Variants in CHN2 observed in about 807,000 individuals in gnomAD.
The protein encoded by CHN2 is beta-chimaerin.
In CHN2, 35 loss-of-function variants were observed where a neutral mutation model predicts 56.3. The ratio of observed to expected loss-of-function variants is 0.62; its 90% confidence interval spans 0.47 to 0.82. The LOEUF is 0.82. CHN2 is among the 40% of genes least tolerant of loss of function. CHN2 has a pLI of 0.00. For synonymous variants in CHN2, 210 were observed against 212.8 expected (o/e 0.99, Z 0.12); for missense variants, 491 against 580.5 (o/e 0.85, Z 1.58).
At chr7:29,276,858 C>T (rs1791265289) in intron 1 of CHN2, among the ~76,000 whole-genome samples, 1 of 152,158 alleles carries the variant, frequency 6.6e-6, no homozygotes, top group African/African-American at 2.4e-5. Context: ...CTCTTCCTTA[C>T]AGATGCATTG....
rs1439875104 is a variant in CHN2 at position 29,437,476 on chromosome 7, T to C, written c.576+36648T>C. On this transcript the variant is annotated intron_variant, in intron 6 of 12. Transcript: ENST00000222792. ...AGCCGGGCGTGGTGGCGGGCGCCTG[T>C]AGTCCCAGCTACTCGGGAGGCTGAG... is the stretch of plus-strand genomic sequence containing the variant. 2.3e-5 allele frequency among the ~76,000 whole-genome samples: 3 copies of C among 130,990 alleles called. 1 individual carries two copies. Among genetic ancestry groups the C allele is most frequent in the African/African-American group, 1.0e-4 (3 of 30,056 alleles). The allele number at this position is 130,990 out of a possible 152,430, so 85.9% of individuals were successfully genotyped here.
chr7:29,337,006 C>T (rs1057166518), intron 1 of CHN2, among the ~76,000 whole-genome samples: 18 of 152,042 alleles, frequency 1.2e-4, no homozygotes, highest in African/African-American at 4.1e-4. Flanking sequence ...CCGGCACCCA[C>T]CACCCTTGCA....
At chr7:29,280,845 C>T (rs1791648237) in intron 1 of CHN2, among the ~76,000 whole-genome samples, 1 of 152,032 alleles carries the variant, frequency 6.6e-6, no homozygotes. Flanking sequence ...GCCTATAATC[C>T]CAGCACTTTG....
intron 2 of CHN2, among the ~76,000 whole-genome samples, chr7:29,158,942 A>T (rs1257512284): frequency 6.6e-6 from 1 of 152,200 alleles, no homozygotes; most frequent in Non-Finnish European, 1.5e-5. Flanking sequence ...CTGAAAACTG[A>T]TTTCCAAATA....
At chr7:29,410,326 T>A (rs927165748) in intron 6 of CHN2, among the ~76,000 whole-genome samples, 1 of 152,140 alleles carries the variant, frequency 6.6e-6, no homozygotes, top group Non-Finnish European at 1.5e-5. Flanking sequence ...TTAGTAATTA[T>A]ATGGTGGTTT....
At chr7:29,157,456 C>CTG (rs10622767) in intron 2 of CHN2, among the ~76,000 whole-genome samples, 131,737 of 152,076 alleles carry the variant, frequency 0.87, 57,241 homozygotes, top group East Asian at 1. Context: ...AAGCTGGAAA[C>CTG]TTTAAAGTTA....
chr7:29,341,382 G>T (rs1414947615), intron 1 of CHN2, among the ~76,000 whole-genome samples: 1 of 152,124 alleles, frequency 6.6e-6, no homozygotes, highest in African/African-American at 2.4e-5. Flanking sequence ...TATATTAACC[G>T]CACCAATTGT....
At chr7:29,149,106 T>A (rs962594403) in intron 2 of CHN2, among the ~76,000 whole-genome samples, 9 of 151,188 alleles carry the variant, frequency 6.0e-5, no homozygotes, top group African/African-American at 2.2e-4. Flanking sequence ...AAAATTAGAC[T>A]GGAGCCAGCT....
At chr7:29,206,585 A>C (rs1395219844) in intron 1 of CHN2, among the ~76,000 whole-genome samples, 1 of 151,052 alleles carries the variant, frequency 6.6e-6, no homozygotes, top group African/African-American at 2.4e-5. Context: ...TGGCCTAGAA[A>C]TTTTTTTTTT....
At chr7:29,191,031 C>T (rs998239291), upstream of CHN2, among the ~76,000 whole-genome samples, 4 of 151,888 alleles carry the variant, frequency 2.6e-5, no homozygotes, top group African/African-American at 9.7e-5. Context: ...AACTTCTGGA[C>T]TCAAGCAATT....
At chr7:29,163,237 G>A (rs527369166) in intron 2 of CHN2, among the ~76,000 whole-genome samples, 147 of 152,102 alleles carry the variant, frequency 9.7e-4, no homozygotes, top group Non-Finnish European at 1.5e-3. Flanking sequence ...AATCTAAGAC[G>A]TGCTACAAGT....
At chr7:29,429,727 A>G (rs1805220523) in intron 6 of CHN2, among the ~76,000 whole-genome samples, 1 of 152,264 alleles carries the variant, frequency 6.6e-6, no homozygotes, top group Non-Finnish European at 1.5e-5. Context: ...AGATAAAATT[A>G]TAAGGTAGAA....
chr7:29,339,082 T>C (rs1160478362), intron 1 of CHN2, among the ~76,000 whole-genome samples: 2 of 152,182 alleles, frequency 1.3e-5, no homozygotes, highest in Non-Finnish European at 2.9e-5. Context: ...TCAATTACAT[T>C]CTGGAAAAGT....
chr7:29,490,963 C>A (rs1437928705), intron 7 of CHN2, among the ~76,000 whole-genome samples: 2 of 152,122 alleles, frequency 1.3e-5, no homozygotes, highest in Non-Finnish European at 2.9e-5. Context: ...CTACTAGTTT[C>A]TGTGAAAGAT....
At chr7:29,343,681 C>G (rs1035812895) in intron 1 of CHN2, among the ~76,000 whole-genome samples, 1 of 152,070 alleles carries the variant, frequency 6.6e-6, no homozygotes, top group Non-Finnish European at 1.5e-5. Context: ...TCCTATCGCT[C>G]TGGTCTCTGC....
At chr7:29,501,741 T>C (rs1583422819) in intron 9 of CHN2, among the ~76,000 whole-genome samples, 1 of 152,116 alleles carries the variant, frequency 6.6e-6, no homozygotes, top group Non-Finnish European at 1.5e-5. Flanking sequence ...ACACCCGCAT[T>C]CCCAGCTGTG....
Position 29,480,322 on chromosome 7 carries a change from A to G in CHN2, c.620A>G (p.Asn207Ser), listed in dbSNP as rs756772424. Residue 207 changes from asparagine to serine, a missense_variant, in exon 7 of 13, where the codon AAC (asparagine) becomes AGC (serine). Asn to Ser is a conservative substitution (Grantham distance 46). Transcript: ENST00000222792. Reference protein sequence around the residue: ...VRRAALTHNDNHFNYEKTHNF... With the variant: ...VRRAALTHNDSHFNYEKTHNF... ...AGGGCTGCCCTCACACACAACGACAACCACTTCAATTATGAGAAGACACAC... is the reference window on the plus strand; with the variant it reads ...AGGGCTGCCCTCACACACAACGACAGCCACTTCAATTATGAGAAGACACAC... The G allele has an allele frequency of 2.5e-6, 4 of 1,614,056 alleles. No homozygotes were observed. Among genetic ancestry groups the G allele is most frequent in the Admixed American group, 1.7e-5 (1 of 59,996 alleles).
At chr7:29,300,161 A>G (rs540355514) in intron 1 of CHN2, among the ~76,000 whole-genome samples, 10 of 152,320 alleles carry the variant, frequency 6.6e-5, no homozygotes, top group Admixed American at 6.5e-4. Flanking sequence ...AGGAGCTGCC[A>G]GATTATGGAA....
chr7:29,421,073 G>A lies in CHN2; in HGVS notation c.576+20245G>A, dbSNP rs911569091. ...CTTCCAAAGTGCTAGGATTACAGGC[G>A]TGAGCCACCATGTCCGGCTATATGG... On this transcript the variant is annotated intron_variant, in intron 6 of 12. Transcript: ENST00000222792. Among the ~76,000 whole-genome samples, 3 of 152,142 alleles carry A rather than the reference G, an allele frequency of 2.0e-5. No individual in the cohort carries two copies. The East Asian group carries it at 5.8e-4, about 29-fold the overall frequency.
Sources: allele counts gnomAD v4.1 joint callset (sites outside exome capture counted in the v4.1 genomes callset), GRCh38; gene constraint gnomAD v4.1.1; transcripts MANE v1.5; gene names NCBI Gene and HGNC (gene_info 2026-07-23, HGNC 2026-07-21).